EDARADD: variants seen among roughly 807,000 people sequenced by gnomAD.
EDARADD encodes EDAR associated via death domain.
Under a neutral mutation model 25.6 loss-of-function variants are expected in EDARADD, and 20 were observed. The ratio of observed to expected loss-of-function variants is 0.78; its 90% CI spans 0.55 to 1.14. EDARADD has a LOEUF of 1.14. Ranked by LOEUF, EDARADD falls within the 50% of genes most tolerant of loss-of-function variation. EDARADD has a pLI of 0.00. For synonymous variants in EDARADD, 86 were observed against 94.4 expected, an observed-to-expected ratio of 0.91 and a Z score of 0.52; for missense variants, 225 against 270.1, an observed-to-expected ratio of 0.83 and a Z score of 1.17.
intron 4 of EDARADD, among the ~76,000 whole-genome samples, chr1:236,455,125 G>A (rs12740885): frequency 5.3e-5 from 8 of 152,032 alleles, no homozygotes; most frequent in South Asian, 2.1e-4. Context: ...CAGAAGAATC[G>A]CTTAAACCCG....
chr1:236,475,164 AC>A (rs1659468515), intron 5 of EDARADD, among the ~76,000 whole-genome samples: 1 of 151,838 alleles, frequency 6.6e-6, no homozygotes, highest in Non-Finnish European at 1.5e-5. Flanking sequence ...ACAAAAAAAA[AC>A]CCAACAAATA....
intron 3 of EDARADD, chr1:236,350,872 G>A (rs1666907856): frequency 6.6e-6 from 1 of 152,148 alleles, no homozygotes; most frequent in Admixed American, 6.5e-5. Flanking sequence ...GCCTCACCCA[G>A]TGTCTTCCTG....
chr1:236,352,746 G>A (rs1666931572), intron 3 of EDARADD, among the ~76,000 whole-genome samples: 1 of 152,190 alleles, frequency 6.6e-6, no homozygotes, highest in Non-Finnish European at 1.5e-5. Flanking sequence ...TACAGGGGAG[G>A]CTGAGGCAGG....
At chr1:236,397,747 C>T (rs1202916331) in intron 1 of EDARADD, among the ~76,000 whole-genome samples, 1 of 152,194 alleles carries the variant, frequency 6.6e-6, no homozygotes, top group Admixed American at 6.5e-5. Flanking sequence ...TGCTGAAGAA[C>T]ATACTTGACC....
intron 4 of EDARADD, among the ~76,000 whole-genome samples, chr1:236,441,989 A>C (rs1409582021): frequency 6.6e-6 from 1 of 152,220 alleles, no homozygotes; most frequent in African/African-American, 2.4e-5. Context: ...CTGATAGAGA[A>C]GCTGCAGCAA....
chr1:236,368,747 A>G (rs2102993057), intron 3 of EDARADD, among the ~76,000 whole-genome samples: 1 of 152,180 alleles, frequency 6.6e-6, no homozygotes, highest in Admixed American at 6.5e-5. Flanking sequence ...GCTTTTATCC[A>G]GTCATTCTTA....
intron 4 of EDARADD, among the ~76,000 whole-genome samples, chr1:236,456,228 C>T (rs1307150359): frequency 3.3e-5 from 5 of 152,178 alleles, no homozygotes; most frequent in African/African-American, 7.2e-5. Context: ...GGAAGCATCG[C>T]GGATCTCCCT....
chr1:236,361,665 G>A (rs1362163981), intron 3 of EDARADD, among the ~76,000 whole-genome samples: 3 of 87,104 alleles, frequency 3.4e-5, no homozygotes, highest in Admixed American at 1.3e-4. Flanking sequence ...TCATACCATA[G>A]GTATTCTACT....
At chr1:236,392,208 T>C (rs1170300227), upstream of EDARADD, among the ~76,000 whole-genome samples, 1 of 152,156 alleles carries the variant, frequency 6.6e-6, no homozygotes, top group Non-Finnish European at 1.5e-5. Flanking sequence ...TAAATATTGG[T>C]TGACTTCTTA....
rs977946907 is a variant in EDARADD, at chr1:236,483,960, G to A, written c.*1311G>A. 40 of 1,366,628 alleles carry A rather than the reference G, an allele frequency of 2.9e-5. No homozygotes were observed. The highest frequency in any genetic ancestry group is 4.6e-5 in the East Asian group (2 of 43,584). 84.7% of individuals were successfully genotyped at this position (1,366,628 alleles called of 1,614,324 possible). On this transcript the variant is annotated 3_prime_UTR_variant, in exon 6 of 6. Coordinates refer to ENST00000334232, the MANE Select transcript of EDARADD (RefSeq NM_145861.4). ...TGACCTGGAATTCAAGTTTCTCGAC[G>A]ACCCCACCAGGTACATCTCACCTGA...
intron 1 of EDARADD, among the ~76,000 whole-genome samples, chr1:236,399,908 G>T (rs1667585938): frequency 1.3e-5 from 2 of 152,216 alleles, no homozygotes; most frequent in Admixed American, 1.3e-4. Flanking sequence ...CAGCCCCAGT[G>T]GTGGCATTCA....
In EDARADD at chr1:236,483,271, C is replaced by G; in HGVS notation, c.*622C>G. ...GAAGGTCTCTTCAGAGCTGCTGTGCCCAGTGGTGCTTCAACTGGTATCTAT... is the reference window on the plus strand; with the variant it reads ...GAAGGTCTCTTCAGAGCTGCTGTGCGCAGTGGTGCTTCAACTGGTATCTAT... On this transcript the variant is annotated 3_prime_UTR_variant, in exon 6 of 6. Coordinates refer to ENST00000334232, the MANE Select transcript of EDARADD (RefSeq NM_145861.4). The G allele has an allele frequency of 6.3e-7, 1 of 1,599,772 alleles. No individual in the cohort carries two copies. Among genetic ancestry groups the G allele is most frequent in the Non-Finnish European group, 8.6e-7 (1 of 1,169,428 alleles).
intron 3 of EDARADD, among the ~76,000 whole-genome samples, chr1:236,356,543 T>A (rs1273072873): frequency 6.6e-6 from 1 of 152,198 alleles, no homozygotes; most frequent in African/African-American, 2.4e-5. Context: ...TTTCATAGTA[T>A]ACCATGATAT....
chr1:236,461,711 C>G (rs1458155700), intron 4 of EDARADD, among the ~76,000 whole-genome samples: 2 of 152,204 alleles, frequency 1.3e-5, no homozygotes, highest in Admixed American at 6.5e-5. Context: ...ACAGTGACAA[C>G]TTGGTCTTGG....
intron 5 of EDARADD, among the ~76,000 whole-genome samples, chr1:236,478,609 C>T (rs896030663): frequency 2.6e-5 from 4 of 151,950 alleles, no homozygotes; most frequent in Non-Finnish European, 5.9e-5. Context: ...ATTTTTGAGA[C>T]GGAGTCTCGC....
At chr1:236,405,599 T>C (rs1667692968) in intron 1 of EDARADD, among the ~76,000 whole-genome samples, 2 of 152,164 alleles carry the variant, frequency 1.3e-5, no homozygotes, top group Admixed American at 6.5e-5. Flanking sequence ...TGCTAGCTCT[T>C]AGTGATGTGC....
In EDARADD at chr1:236,484,702, G is replaced by A. The variant is rs931607335; in HGVS notation, c.*2053G>A. The stretch of plus-strand genomic sequence containing the variant: ...CAGTCTGGAGACAGAGTGAGAGTCC[G>A]TCCCAGAAAAAAAAAAAAAAAAAAA... On this transcript the variant is annotated 3_prime_UTR_variant, in exon 6 of 6. Transcript: ENST00000334232. This position sits in a 1 kb window ranked among gnomAD's most constrained non-coding sequence, Gnocchi z 4.1. 1.4e-5 allele frequency: 3 copies of A among 217,166 alleles called. No individual in the cohort carries two copies. The highest frequency in any genetic ancestry group is 2.2e-4 in the South Asian group (2 of 9,066). The allele number at this position is 217,166 out of a possible 1,614,324, so 13.5% of individuals were successfully genotyped here.
At position 236,472,487 on chromosome 1, in the gene EDARADD, G is replaced by A. The variant is rs943872430; in HGVS notation, c.265+4211G>A. Among the ~76,000 whole-genome samples, 3 of 152,136 alleles carry A rather than the reference G, an allele frequency of 2.0e-5. No individual in the cohort carries two copies. The East Asian group carries it at 5.8e-4, about 29-fold the overall frequency. On this transcript the variant is annotated intron_variant, in intron 5 of 5. Transcript: ENST00000334232. ...GTTTGGTGGGGTTGGGGGTGGAGGC[G>A]TCTATCCTATGGCCAAGGTTGAGAA...
At position 236,396,696 on chromosome 1, in the gene EDARADD, C is replaced by CT. The variant is rs980686510; in HGVS notation, c.61+2203dup. Among the ~76,000 whole-genome samples, 89 of 144,642 alleles carry CT rather than the reference C, an allele frequency of 6.2e-4. 1 individual carries two copies. Among genetic ancestry groups the CT allele is most frequent in the African/African-American group, 1.4e-3 (56 of 39,446 alleles). The allele number at this position is 144,642 out of a possible 152,430, so 94.9% of individuals were successfully genotyped here. A position where few individuals can be genotyped will look rare whatever the true frequency, so the allele number is the denominator to read the frequency against. ...TTGGAAACTTCAAAGAAAGATCTAC[C>CT]TTTTTTTTTTTTAAGTGGGGATTGT... On this transcript the variant is annotated intron_variant, in intron 1 of 5. Coordinates refer to ENST00000334232, the MANE Select transcript of EDARADD (RefSeq NM_145861.4).
Sources: gnomAD v4.1 joint callset for allele counts (sites outside exome capture counted in the v4.1 genomes callset) on GRCh38, gnomAD v4.1.1 for gene constraint, Gnocchi (gnomAD v3.1) non-coding constraint, MANE v1.5 for transcripts, NCBI Gene and HGNC (gene_info 2026-07-23, HGNC 2026-07-21) for gene names.